LOC400499: variants seen among roughly 807,000 people sequenced by gnomAD.
chr16:11,493,790 G>C, the LOC400499 span: 998 of 385,540 alleles, frequency 2.6e-3, 12 homozygotes, highest in African/African-American at 0.021. Flanking sequence ...TTCAGCACAA[G>C]CTGGAGCTAA....
the LOC400499 span, among the ~76,000 whole-genome samples, chr16:11,464,064 G>A: frequency 6.6e-6 from 1 of 152,170 alleles, no homozygotes; most frequent in Non-Finnish European, 1.5e-5. Flanking sequence ...ACAGACATGT[G>A]TACAGATATG....
At chr16:11,418,455 G>A in the LOC400499 span, among the ~76,000 whole-genome samples, 10 of 152,280 alleles carry the variant, frequency 6.6e-5, no homozygotes, top group Non-Finnish European at 1.5e-4. Flanking sequence ...ACCTCTGGTC[G>A]TCCTCACTGC....
At chr16:11,515,155 T>A in the LOC400499 span, among the ~76,000 whole-genome samples, 360 of 151,920 alleles carry the variant, frequency 2.4e-3, 1 homozygote, top group African/African-American at 7.8e-3. Context: ...AAATTTTTTT[T>A]AAAAAACTAA....
chr16:11,504,490 T>C, the LOC400499 span, among the ~76,000 whole-genome samples: 6 of 151,350 alleles, frequency 4.0e-5, no homozygotes, highest in South Asian at 2.1e-4. Context: ...GGAGGTGGAG[T>C]TTGCAGTGAG....
chr16:11,515,042 A>G, the LOC400499 span, among the ~76,000 whole-genome samples: 3 of 152,160 alleles, frequency 2.0e-5, no homozygotes, highest in African/African-American at 7.2e-5. Flanking sequence ...GTGGTGGCTC[A>G]TTCCCGTAGT....
At chr16:11,457,022 A>G in the LOC400499 span, 2 of 1,530,866 alleles carry the variant, frequency 1.3e-6, no homozygotes, top group East Asian at 2.4e-5. Flanking sequence ...CCTGCCTCTC[A>G]GGCACCTGCA....
At chr16:11,378,745 AG>A in the LOC400499 span, among the ~76,000 whole-genome samples, 1 of 152,176 alleles carries the variant, frequency 6.6e-6, no homozygotes, top group Non-Finnish European at 1.5e-5. Flanking sequence ...TGGATATTTC[AG>A]TTTTCCTTCT....
chr16:11,419,353 G>A, the LOC400499 span, among the ~76,000 whole-genome samples: 1 of 151,838 alleles, frequency 6.6e-6, no homozygotes, highest in Non-Finnish European at 1.5e-5. Flanking sequence ...ATGGGGAAAG[G>A]ATTCCCTATT....
chr16:11,378,626 A>G, the LOC400499 span, among the ~76,000 whole-genome samples: 3 of 152,188 alleles, frequency 2.0e-5, no homozygotes, highest in East Asian at 5.8e-4. Flanking sequence ...CTTTTGCTGC[A>G]TCCCATAAGA....
chr16:11,527,185 G>A, the LOC400499 span, among the ~76,000 whole-genome samples: 376 of 152,278 alleles, frequency 2.5e-3, 2 homozygotes, highest in African/African-American at 8.6e-3. Context: ...TCACTTCCTG[G>A]GCCAGCCCCG....
the LOC400499 span, chr16:11,523,665 C>T: frequency 3.9e-5 from 15 of 385,552 alleles, no homozygotes; most frequent in Non-Finnish European, 5.5e-5. Context: ...ACCCTTTGTC[C>T]AATTTGCTCT....
chr16:11,478,435 G>C, the LOC400499 span: 12 of 398,126 alleles, frequency 3.0e-5, no homozygotes, highest in Admixed American at 4.4e-5. Flanking sequence ...AGCTGGGATT[G>C]GACCTTGGGC....
the LOC400499 span, among the ~76,000 whole-genome samples, chr16:11,382,949 T>C: frequency 7.4e-5 from 11 of 148,982 alleles, no homozygotes; most frequent in Non-Finnish European, 1.3e-4. Flanking sequence ...AATGAGATAA[T>C]TGGCTCACAG....
At chr16:11,376,259 G>T in the LOC400499 span, among the ~76,000 whole-genome samples, 1 of 152,092 alleles carries the variant, frequency 6.6e-6, no homozygotes, top group Admixed American at 6.5e-5. Context: ...CCATATCTAA[G>T]AAATCATTGA....
the LOC400499 span, among the ~76,000 whole-genome samples, chr16:11,524,161 C>A: frequency 1.0e-4 from 4 of 39,324 alleles, no homozygotes; most frequent in East Asian, 2.1e-3. Flanking sequence ...TCCATCCACC[C>A]CCCAACCCCC....
chr16:11,496,682 T>C, the LOC400499 span, among the ~76,000 whole-genome samples: 1 of 152,080 alleles, frequency 6.6e-6, no homozygotes, highest in Non-Finnish European at 1.5e-5. Context: ...GTGTGTGTAC[T>C]GTGTGTCCCT....
chr16:11,438,417 C>G, the LOC400499 span, among the ~76,000 whole-genome samples: 1 of 151,966 alleles, frequency 6.6e-6, no homozygotes, highest in Non-Finnish European at 1.5e-5. Context: ...GAGCCATTCT[C>G]GGGCTCCATT....
chr16:11,445,832 A>T, the LOC400499 span, among the ~76,000 whole-genome samples: 2 of 86,768 alleles, frequency 2.3e-5, no homozygotes, highest in Non-Finnish European at 4.8e-5. Context: ...AGTCAGGAGA[A>T]CCTTTTTTTT....
chr16:11,515,495 A>G, the LOC400499 span, among the ~76,000 whole-genome samples: 32 of 151,440 alleles, frequency 2.1e-4, no homozygotes, highest in East Asian at 2.1e-3. Context: ...ACATACATAC[A>G]TACGTACGTA....
Sources: allele counts gnomAD v4.1 joint callset (sites outside exome capture counted in the v4.1 genomes callset), GRCh38; gene constraint gnomAD v4.1.1; transcripts MANE v1.5.